The following WDR70 variants were observed in gnomAD, a reference collection of about 807,000 sequenced individuals.
The protein encoded by WDR70 is WD repeat domain 70.
In WDR70, 53 loss-of-function variants were observed where a neutral mutation model predicts 88.6. The observed-to-expected ratio is 0.60, with a 90% CI of 0.48 to 0.75. The LOEUF (loss-of-function observed/expected upper bound fraction) is 0.75. WDR70 is among the 30% of genes least tolerant of loss of function. The pLI is 0.00. For missense variants in WDR70, 610 were observed against 823.2 expected (o/e 0.74, Z 3.17); for synonymous variants, 280 against 270.0 (o/e 1.04, Z -0.36).
At chr5:37,676,858 T>C (rs982719418) in intron 10 of WDR70, among the ~76,000 whole-genome samples, 1 of 152,246 alleles carries the variant, frequency 6.6e-6, no homozygotes, top group Non-Finnish European at 1.5e-5. Context: ...TGAATCCATC[T>C]GGTCTTGGAC....
intron 10 of WDR70, among the ~76,000 whole-genome samples, chr5:37,676,076 A>G (rs1431184055): frequency 6.9e-6 from 1 of 145,224 alleles, no homozygotes; most frequent in Non-Finnish European, 1.5e-5. Context: ...ATTTTTGTAC[A>G]TTGATTTTGT....
intron 10 of WDR70, among the ~76,000 whole-genome samples, chr5:37,659,507 A>G (rs1196654972): frequency 6.6e-6 from 1 of 152,140 alleles, no homozygotes; most frequent in Non-Finnish European, 1.5e-5. Flanking sequence ...TTTATTTGAA[A>G]TATCTTTTTG....
At chr5:37,536,011 G>C (rs1436219660) in intron 9 of WDR70, among the ~76,000 whole-genome samples, 1 of 152,142 alleles carries the variant, frequency 6.6e-6, no homozygotes, top group Non-Finnish European at 1.5e-5. Context: ...TTACTTTTTA[G>C]AAACATGTTG....
At chr5:37,507,130 T>A (rs1203643028) in intron 8 of WDR70, among the ~76,000 whole-genome samples, 1 of 152,212 alleles carries the variant, frequency 6.6e-6, no homozygotes, top group Non-Finnish European at 1.5e-5. Context: ...TTTTTTTTTC[T>A]TTTTAAAAAT....
At chr5:37,526,263 C>T (rs1454734668) in intron 9 of WDR70, among the ~76,000 whole-genome samples, 2 of 152,170 alleles carry the variant, frequency 1.3e-5, no homozygotes, top group African/African-American at 4.8e-5. Context: ...AATCCAGCAG[C>T]CCATCAAAAA....
intron 10 of WDR70, among the ~76,000 whole-genome samples, chr5:37,684,582 C>G (rs768610028): frequency 1.3e-5 from 2 of 152,218 alleles, no homozygotes; most frequent in African/African-American, 4.8e-5. Flanking sequence ...CTCCCACTCC[C>G]GACTCCCGGA....
intron 9 of WDR70, among the ~76,000 whole-genome samples, chr5:37,554,659 C>A: frequency 7.2e-6 from 1 of 139,422 alleles, no homozygotes; most frequent in South Asian, 2.3e-4. Flanking sequence ...CACATACTCA[C>A]ACACGCATGC....
At chr5:37,512,492 T>A (rs1740751117) in intron 8 of WDR70, among the ~76,000 whole-genome samples, 1 of 152,058 alleles carries the variant, frequency 6.6e-6, no homozygotes, top group Admixed American at 6.6e-5. Context: ...GTGTTGAGAT[T>A]ACAGGTGTGA....
intron 13 of WDR70, 152 bp downstream of exon 13, chr5:37,703,239 T>C: frequency 1.1e-6 from 1 of 913,684 alleles, no homozygotes; most frequent in East Asian, 2.7e-5. Context: ...TATCAGTATG[T>C]TGTGGATGGC....
chr5:37,695,908 T>C (rs777500321), intron 10 of WDR70, among the ~76,000 whole-genome samples: 2 of 152,210 alleles, frequency 1.3e-5, no homozygotes, highest in Non-Finnish European at 2.9e-5. Context: ...AAATACTCTT[T>C]CTTGCCCTCA....
At chr5:37,384,425 T>C (rs1466895743) in intron 3 of WDR70, among the ~76,000 whole-genome samples, 1 of 151,512 alleles carries the variant, frequency 6.6e-6, no homozygotes, top group Non-Finnish European at 1.5e-5. Context: ...TCCCAGCACT[T>C]TGGGAGGGGC....
rs1230815000 is a variant in WDR70, at chr5:37,481,235, A to G, written c.840+1248A>G. ...TGGAGGATGGTGGCCGTTTTCTCAC[A>G]GCTCTGCTTGGCAGTACCCCAGTGG... On this transcript the variant is annotated intron_variant, in intron 8 of 17. Transcript: ENST00000265107. Among the ~76,000 whole-genome samples, 6 of 152,114 alleles carry G rather than the reference A, an allele frequency of 3.9e-5. No homozygotes were observed. In the East Asian group the frequency reaches 1.2e-3, roughly 29 times the overall value.
At chr5:37,506,669 A>G (rs1740570801) in intron 8 of WDR70, 1 of 788,590 alleles carries the variant, frequency 1.3e-6, no homozygotes, top group Admixed American at 1.7e-5. Flanking sequence ...CCTCACACAC[A>G]AATAAAACAT....
Position 37,497,427 on chromosome 5 carries a change from C to CTCTTCCCTTCCCTTCCA in WDR70, c.840+17456_840+17457insATCTTCCCTTCCCTTCC, listed in dbSNP as rs1740260390. 8.6e-5 allele frequency among the ~76,000 whole-genome samples: 3 copies of CTCTTCCCTTCCCTTCCA among 34,884 alleles called. No homozygotes were observed. The South Asian group carries it at 4.4e-3, about 51-fold the overall frequency. The allele number at this position is 34,884 out of a possible 152,430, so 22.9% of individuals were successfully genotyped here. A position where few individuals can be genotyped will look rare whatever the true frequency, so the allele number is the denominator to read the frequency against. On this transcript the variant is annotated intron_variant, in intron 8 of 17. Transcript: ENST00000265107. The stretch of plus-strand genomic sequence containing the variant: ...TTCCCCTCCCCTCCCCTTCCCTTCC[C>CTCTTCCCTTCCCTTCCA]TCTTCCCTTCCCTTCCGTCTTCCCT...
At chr5:37,671,457 T>C (rs568737855) in intron 10 of WDR70, among the ~76,000 whole-genome samples, 1 of 152,256 alleles carries the variant, frequency 6.6e-6, no homozygotes, top group African/African-American at 2.4e-5. Flanking sequence ...TTTTAAAGAT[T>C]AATAAACTGA....
At chr5:37,638,469 A>G (rs1269464914) in intron 10 of WDR70, among the ~76,000 whole-genome samples, 6 of 152,220 alleles carry the variant, frequency 3.9e-5, no homozygotes, top group Non-Finnish European at 8.8e-5. Context: ...GACCAAATGC[A>G]TACATGCACG....
At chr5:37,577,183 A>C (rs1743084253) in intron 9 of WDR70, among the ~76,000 whole-genome samples, 1 of 152,228 alleles carries the variant, frequency 6.6e-6, no homozygotes, top group Non-Finnish European at 1.5e-5. Context: ...GTATAGTTAT[A>C]GTTTACAGGC....
In WDR70 at chr5:37,701,122, T is replaced by A; in HGVS notation, c.1257T>A (p.Gly419=). The stretch of plus-strand genomic sequence containing the variant: ...ATAAACCACTTTTTTCAGCCTCGGG[T>A]CTTCCCACCATGTTCCCAATGTAAG... ...QFNKPLFSAS[G]LPTMFPMTDC... is the part of the protein sequence containing the mutation. The change falls in exon 12 of 18, where the codon GGT becomes GGA. Residue 419 remains glycine (G), a synonymous_variant. Coordinates refer to ENST00000265107, the MANE Select transcript of WDR70 (RefSeq NM_018034.4). 1 of 1,608,910 alleles carries A rather than the reference T, an allele frequency of 6.2e-7. No homozygotes were observed. The highest frequency in any genetic ancestry group is 1.3e-5 in the African/African-American group (1 of 74,912).
At chr5:37,632,442 T>G (rs1312876839) in intron 10 of WDR70, among the ~76,000 whole-genome samples, 2 of 152,318 alleles carry the variant, frequency 1.3e-5, no homozygotes, top group Middle Eastern at 3.4e-3. Context: ...TCCATGTGTG[T>G]TATTACCTCT....
Sources: gnomAD v4.1 joint callset for allele counts (sites outside exome capture counted in the v4.1 genomes callset) on GRCh38, gnomAD v4.1.1 for gene constraint, MANE v1.5 for transcripts, NCBI Gene and HGNC (gene_info 2026-07-23, HGNC 2026-07-21) for gene names.